The following PCSK5 variants were observed in gnomAD, a reference collection of about 807,000 sequenced individuals.
The protein encoded by PCSK5 is proprotein convertase subtilisin/kexin type 5.
PCSK5 carries 129 observed loss-of-function variants against 233.2 expected under a neutral mutation model. The observed-to-expected ratio is 0.55, with a 90% CI of 0.48 to 0.64. The LOEUF (loss-of-function observed/expected upper bound fraction) is 0.64, where lower values mean the gene tolerates loss of function less well. Among genes scored for constraint, PCSK5 ranks in the 30% least tolerant of loss-of-function variants. The probability of loss-of-function intolerance (pLI) is 0.00; values close to 1 mark genes in which losing one functional copy is unlikely to be tolerated. For missense variants in PCSK5, 2,076 were observed against 2,430.1 expected (o/e 0.85, Z 3.06); for synonymous variants, 825 against 879.2 (o/e 0.94, Z 1.09).
intron 5 of PCSK5, among the ~76,000 whole-genome samples, chr9:76,042,388 C>T (rs1013877517): frequency 2.0e-4 from 30 of 152,226 alleles, no homozygotes; most frequent in Admixed American, 5.9e-4. Flanking sequence ...TGGTGGCTCA[C>T]GCCTGTAATC....
chr9:76,287,226 T>G (rs1828106036), intron 24 of PCSK5: 2 of 220,406 alleles, frequency 9.1e-6, no homozygotes, highest in Admixed American at 8.3e-5. Flanking sequence ...CATGTCTCTA[T>G]CGAAACTCCT....
At chr9:76,165,468 A>G (rs1823049210) in intron 12 of PCSK5, among the ~76,000 whole-genome samples, 1 of 152,212 alleles carries the variant, frequency 6.6e-6, no homozygotes, top group Non-Finnish European at 1.5e-5. Context: ...TAAAGCTTAC[A>G]GTAATTATGT....
At chr9:76,253,998 G>C (rs547006437) in intron 24 of PCSK5, among the ~76,000 whole-genome samples, 44 of 152,226 alleles carry the variant, frequency 2.9e-4, no homozygotes, top group African/African-American at 9.9e-4. Context: ...TTCATCATGG[G>C]TGAGCTGAGA....
chr9:75,982,101 T>G (rs1007197496), intron 2 of PCSK5, among the ~76,000 whole-genome samples: 1 of 152,138 alleles, frequency 6.6e-6, no homozygotes, highest in African/African-American at 2.4e-5. Flanking sequence ...TAACTTACAT[T>G]TTTTTTCCAT....
At chr9:76,019,531 A>G (rs1024732762) in intron 3 of PCSK5, among the ~76,000 whole-genome samples, 3 of 152,138 alleles carry the variant, frequency 2.0e-5, no homozygotes, top group African/African-American at 7.2e-5. Flanking sequence ...GACCCTCAGA[A>G]CTTAGAGAAA....
rs887368218 is a variant in PCSK5 at position 75,890,909 on chromosome 9, TG to T, written c.-272del. On this transcript the variant is annotated 5_prime_UTR_variant, in exon 1 of 38. Coordinates refer to ENST00000674117, the MANE Select transcript of PCSK5 (RefSeq NM_001372043.1). ...ACGCCCGCCCCACTCAGCCTCCTCCTGCGTCCGAGCCGGGGAGCATCGCCGA... is the reference window on the plus strand; with the variant it reads ...ACGCCCGCCCCACTCAGCCTCCTCCTCGTCCGAGCCGGGGAGCATCGCCGA... 1.8e-4 allele frequency: 64 copies of T among 359,428 alleles called. No homozygotes were observed. Among genetic ancestry groups the T allele is most frequent in the Non-Finnish European group, 2.5e-4 (50 of 201,044 alleles). 22.3% of individuals were successfully genotyped at this position (359,428 alleles called of 1,614,324 possible).
At chr9:76,205,538 T>G (rs529356682) in intron 20 of PCSK5, among the ~76,000 whole-genome samples, 2 of 152,192 alleles carry the variant, frequency 1.3e-5, no homozygotes, top group Admixed American at 6.5e-5. Context: ...CTGTAATATG[T>G]ATTCTCTGGG....
chr9:76,098,552 C>T (rs1382681719), intron 8 of PCSK5, among the ~76,000 whole-genome samples: 1 of 152,190 alleles, frequency 6.6e-6, no homozygotes, highest in East Asian at 1.9e-4. Flanking sequence ...GATGAAAACT[C>T]GAATAAGAGT....
chr9:76,079,608 G>C (rs1205635287), intron 7 of PCSK5, among the ~76,000 whole-genome samples: 1 of 152,168 alleles, frequency 6.6e-6, no homozygotes, highest in Non-Finnish European at 1.5e-5. Flanking sequence ...CGTATCATCA[G>C]CAAGGAGAAA....
chr9:76,179,517 T>G, intron 14 of PCSK5, 79 bp from the exon 15 acceptor site: 1 of 1,017,684 alleles, frequency 9.8e-7, no homozygotes, highest in Non-Finnish European at 1.5e-6. Context: ...AAAAGTCTTA[T>G]TTTTATACCA....
At chr9:76,219,742 C>T (rs1825661823) in intron 20 of PCSK5, among the ~76,000 whole-genome samples, 1 of 152,210 alleles carries the variant, frequency 6.6e-6, no homozygotes, top group Non-Finnish European at 1.5e-5. Flanking sequence ...TGGAGAGAGG[C>T]CCCCTTTCTC....
At chr9:76,071,689 G>A (rs1270130631) in intron 6 of PCSK5, 37 bp from the exon 7 acceptor site, 9 of 1,558,866 alleles carry the variant, frequency 5.8e-6, no homozygotes, top group South Asian at 1.2e-5. Flanking sequence ...GTGTAGGGAA[G>A]CCCTGTAATG....
At chr9:76,211,393 C>A (rs1015234850) in intron 20 of PCSK5, among the ~76,000 whole-genome samples, 1 of 152,214 alleles carries the variant, frequency 6.6e-6, no homozygotes. Context: ...GGAGAGGGAA[C>A]AAGACAAATT....
intron 5 of PCSK5, among the ~76,000 whole-genome samples, chr9:76,065,294 C>T (rs762567524): frequency 6.6e-6 from 1 of 152,168 alleles, no homozygotes; most frequent in South Asian, 2.1e-4. Flanking sequence ...CTCTCTGATC[C>T]GATCATTTCT....
intron 21 of PCSK5, among the ~76,000 whole-genome samples, chr9:76,233,219 T>C (rs774693848): frequency 1.3e-5 from 2 of 152,196 alleles, no homozygotes; most frequent in Non-Finnish European, 2.9e-5. Flanking sequence ...TGGAAGCAGA[T>C]TCGGGATTGT....
chr9:76,028,405 C>A (rs1563981687), intron 5 of PCSK5, among the ~76,000 whole-genome samples: 2 of 152,108 alleles, frequency 1.3e-5, no homozygotes, highest in African/African-American at 4.8e-5. Context: ...ATATGGAGAT[C>A]AGAGTTTTTA....
chr9:76,094,603 G>A lies in PCSK5; in HGVS notation c.895-1287G>A, dbSNP rs543924189. 1.0e-3 allele frequency among the ~76,000 whole-genome samples: 156 copies of A among 152,118 alleles called. 1 individual carries two copies. The highest frequency in any genetic ancestry group is 0.01 in the Admixed American group (154 of 15,268). ...ATTCCTTGATTATTGAGGACTTTAA[G>A]AAAGTCATTTTTTTTTTCAAGATGG... On this transcript the variant is annotated intron_variant, in intron 7 of 37. Transcript: ENST00000674117.
chr9:76,159,816 CTTTTT>C (rs386415165), intron 12 of PCSK5, among the ~76,000 whole-genome samples: 2 of 97,586 alleles, frequency 2.0e-5, no homozygotes, highest in South Asian at 3.9e-4. Context: ...CTCTTCAGTC[CTTTTT>C]TTTTTTTTTT....
chr9:75,996,112 CAA>C (rs1827011245), intron 3 of PCSK5, among the ~76,000 whole-genome samples: 1 of 152,014 alleles, frequency 6.6e-6, no homozygotes, highest in Non-Finnish European at 1.5e-5. Flanking sequence ...ATCAATAACA[CAA>C]AATAAAAATT....
Sources: allele counts gnomAD v4.1 joint callset (sites outside exome capture counted in the v4.1 genomes callset), GRCh38; gene constraint gnomAD v4.1.1; transcripts MANE v1.5; gene names NCBI Gene and HGNC (gene_info 2026-07-23, HGNC 2026-07-21).